The following RNASEH2B variants were observed in gnomAD, a reference collection of about 807,000 sequenced individuals.
RNASEH2B encodes the protein Aicardi-Goutieres syndrome 2 protein.
RNASEH2B carries 36 observed loss-of-function variants against 45.0 expected under a neutral mutation model. The observed-to-expected ratio is 0.80, with a 90% CI of 0.61 to 1.06. The LOEUF is 1.06. Ranked by LOEUF, RNASEH2B falls within the 50% of genes least tolerant of loss-of-function variation. The pLI is 0.00. For synonymous variants in RNASEH2B, 119 were observed against 125.7 expected, an observed-to-expected ratio of 0.95 and a Z score of 0.35; for missense variants, 361 against 360.3, an observed-to-expected ratio of 1.00 and a Z score of -0.02.
At chr13:50,968,065 T>C (rs1952182739) in intron 9 of RNASEH2B, among the ~76,000 whole-genome samples, 1 of 152,174 alleles carries the variant, frequency 6.6e-6, no homozygotes, top group Non-Finnish European at 1.5e-5. Flanking sequence ...CCAAAAGGGT[T>C]CGTCCCTGTG....
At chr13:50,947,484 G>A (rs1233283336) in intron 7 of RNASEH2B, among the ~76,000 whole-genome samples, 2 of 149,758 alleles carry the variant, frequency 1.3e-5, no homozygotes, top group African/African-American at 4.9e-5. Context: ...TATATTTCAG[G>A]GTTCTTATAA....
intron 5 of RNASEH2B, chr13:50,938,842 A>G (rs1167515391): frequency 1.3e-5 from 2 of 152,188 alleles, no homozygotes; most frequent in Non-Finnish European, 2.9e-5. Context: ...AGGACCTATA[A>G]TATTCAAAAC....
chr13:50,949,347 G>T, intron 8 of RNASEH2B, 116 bp from the exon 9 acceptor site: 1 of 828,450 alleles, frequency 1.2e-6, no homozygotes, highest in Non-Finnish European at 2.1e-6. Context: ...GAAGATATAT[G>T]GAGGTAAAGC....
intron 9 of RNASEH2B, among the ~76,000 whole-genome samples, chr13:50,965,141 A>AT (rs1429471447): frequency 6.6e-6 from 1 of 152,258 alleles, no homozygotes; most frequent in East Asian, 1.9e-4. Flanking sequence ...AGTTGTAGCC[A>AT]TCATAACGTA....
intron 2 of RNASEH2B, among the ~76,000 whole-genome samples, chr13:50,929,104 C>T (rs1040475870): frequency 1.9e-4 from 29 of 152,194 alleles, no homozygotes; most frequent in African/African-American, 6.5e-4. Flanking sequence ...CCACACACTG[C>T]CCAGAGGCAG....
rs763452841 is a variant in RNASEH2B at position 50,956,575 on chromosome 13, GC to G, written c.*103del. The G allele has an allele frequency of 5.1e-5, 78 of 1,519,696 alleles. No individual in the cohort carries two copies. The African/African-American group carries it at 1.0e-3, about 20-fold the overall frequency. 94.1% of individuals were successfully genotyped at this position (1,519,696 alleles called of 1,614,324 possible). A position where few individuals can be genotyped will look rare whatever the true frequency, so the allele number is the denominator to read the frequency against. On this transcript the variant is annotated 3_prime_UTR_variant, in exon 11 of 11. Coordinates refer to ENST00000336617, the MANE Select transcript of RNASEH2B (RefSeq NM_024570.4). ...TACCTTTGGTTGGGGGAAGGAAGAG[GC>G]CAATTTCATGTTCTCTTAAACATTT...
At position 50,956,623 on chromosome 13, in the gene RNASEH2B, T is replaced by G; in HGVS notation, c.*149T>G. The G allele has an allele frequency of 6.9e-7, 1 of 1,452,038 alleles. No individual in the cohort carries two copies. The highest frequency in any genetic ancestry group is 9.1e-7 in the Non-Finnish European group (1 of 1,098,158). The allele number at this position is 1,452,038 out of a possible 1,614,324, so 89.9% of individuals were successfully genotyped here. The stretch of plus-strand genomic sequence containing the variant: ...ATTTCTTTGCATTTGGTTTTTGTGT[T>G]CCTGAACAAAATATGGGAAAGTGTC... On this transcript the variant is annotated 3_prime_UTR_variant, in exon 11 of 11. Coordinates refer to ENST00000336617, the MANE Select transcript of RNASEH2B (RefSeq NM_024570.4).
chr13:50,919,966 T>C (rs1951496883), intron 1 of RNASEH2B, among the ~76,000 whole-genome samples: 1 of 152,220 alleles, frequency 6.6e-6, no homozygotes, highest in Non-Finnish European at 1.5e-5. Context: ...AAAGTACAGA[T>C]GTCAGGAAAG....
At position 50,947,895 on chromosome 13, in the gene RNASEH2B, G is replaced by A; in HGVS notation, c.617-92G>A. 1.9e-6 allele frequency: 3 copies of A among 1,586,038 alleles called. No individual in the cohort carries two copies. The South Asian group carries it at 3.3e-5, about 18-fold the overall frequency. ...AGTGAGTTCCCTTTATCCAGATAGG[G>A]TCAGAATTTGAATTCAGGTCAATTT... On this transcript the variant is annotated intron_variant, in intron 7 of 10. Coordinates refer to ENST00000336617, the MANE Select transcript of RNASEH2B (RefSeq NM_024570.4).
chr13:50,924,604 G>C (rs1951567922), intron 1 of RNASEH2B, among the ~76,000 whole-genome samples: 1 of 152,150 alleles, frequency 6.6e-6, no homozygotes, highest in East Asian at 1.9e-4. Flanking sequence ...TGTCACCCAG[G>C]CTGGAGTACA....
At chr13:50,961,153 G>A (rs537522846), downstream of RNASEH2B, among the ~76,000 whole-genome samples, 65 of 152,212 alleles carry the variant, frequency 4.3e-4, no homozygotes, top group African/African-American at 1.5e-3. Context: ...TTAAGGTGCT[G>A]CCTACAGTTT....
At chr13:50,964,727 C>T (rs886426838) in intron 9 of RNASEH2B, among the ~76,000 whole-genome samples, 3 of 152,162 alleles carry the variant, frequency 2.0e-5, no homozygotes, top group Non-Finnish European at 2.9e-5. Flanking sequence ...CCAGCAAAGT[C>T]GAGATCTTTA....
chr13:50,929,411 G>GGT (rs528197168), intron 2 of RNASEH2B, 64 bp from the exon 3 acceptor site: 158 of 947,432 alleles, frequency 1.7e-4, no homozygotes, highest in Non-Finnish European at 2.4e-4. Flanking sequence ...AGTCTTTTGG[G>GGT]GTGTGTGTGT....
chr13:50,947,976 G>C lies in RNASEH2B; in HGVS notation c.617-11G>C, dbSNP rs201473333. On this transcript the variant is annotated splice_polypyrimidine_tract_variant and intron_variant, in intron 7 of 10. Coordinates refer to ENST00000336617, the MANE Select transcript of RNASEH2B (RefSeq NM_024570.4). Reference sequence around the variant, plus strand: ...TTTTTTTGCTTTCACTCCTCCTTCTGTTTCTTTCAGAGGATTATATTCGTT... The same window carrying C: ...TTTTTTTGCTTTCACTCCTCCTTCTCTTTCTTTCAGAGGATTATATTCGTT... 4 of 1,605,392 alleles carry C rather than the reference G, an allele frequency of 2.5e-6. No homozygotes were observed. In the East Asian group the frequency reaches 9.0e-5, roughly 36 times the overall value.
intron 4 of RNASEH2B, chr13:50,934,520 T>C: frequency 3.1e-6 from 1 of 321,928 alleles, no homozygotes; most frequent in South Asian, 2.9e-5. Flanking sequence ...GGACTCTTGC[T>C]CTGTGACCAC....
At chr13:50,963,196 C>T (rs957381493) in intron 9 of RNASEH2B, among the ~76,000 whole-genome samples, 3 of 151,844 alleles carry the variant, frequency 2.0e-5, no homozygotes, top group Non-Finnish European at 2.9e-5. Flanking sequence ...TGGAGTTTCG[C>T]TCTTGTTGCC....
chr13:50,954,028 G>A, intron 10 of RNASEH2B, 43 bp downstream of exon 10: 2 of 1,178,952 alleles, frequency 1.7e-6, no homozygotes, highest in Non-Finnish European at 1.3e-6. Context: ...CATACTCAGT[G>A]CGTGATGTGC....
In RNASEH2B at chr13:50,969,996, T is replaced by G. The variant is rs1038630240; in HGVS notation, c.*32T>G. The G allele has an allele frequency of 2.6e-6, 4 of 1,550,132 alleles. No homozygotes were observed. The African/African-American group carries it at 5.5e-5, about 21-fold the overall frequency. On this transcript the variant is annotated 3_prime_UTR_variant, in exon 10 of 10. Coordinates refer to the RNASEH2B transcript ENST00000422660. Reference sequence around the variant, plus strand: ...TGGCTCCACGCAAGGCTTGGCGGTTTTCCCTGCAACTTCAGACACTCCCAG... The same window carrying G: ...TGGCTCCACGCAAGGCTTGGCGGTTGTCCCTGCAACTTCAGACACTCCCAG...
intron 1 of RNASEH2B, among the ~76,000 whole-genome samples, chr13:50,922,208 C>T (rs1951532780): frequency 6.6e-6 from 1 of 152,090 alleles, no homozygotes; most frequent in Admixed American, 6.5e-5. Context: ...GGGGTCAATA[C>T]CAGTTGCGCA....
Sources: allele counts gnomAD v4.1 joint callset (sites outside exome capture counted in the v4.1 genomes callset), GRCh38; gene constraint gnomAD v4.1.1; transcripts MANE v1.5; gene names NCBI Gene and HGNC (gene_info 2026-07-23, HGNC 2026-07-21).